The following FARS2 variants were observed in gnomAD, a reference collection of about 807,000 sequenced individuals.
FARS2 encodes the protein phenylalanyl-tRNA synthetase 2, mitochondrial.
Under a neutral mutation model 46.4 loss-of-function variants are expected in FARS2, and 40 were observed. The observed-to-expected ratio is 0.86, with a 90% CI of 0.67 to 1.12. FARS2 has a LOEUF of 1.12. Ranked by LOEUF, FARS2 falls within the 50% of genes most tolerant of loss-of-function variation. The pLI, the probability that FARS2 is intolerant of heterozygous loss-of-function variation, is 0.00. For missense variants in FARS2, 513 were observed against 567.9 expected, an observed-to-expected ratio of 0.90 and a Z score of 0.98; for synonymous variants, 234 against 214.9, an observed-to-expected ratio of 1.09 and a Z score of -0.78.
intron 6 of FARS2, among the ~76,000 whole-genome samples, chr6:5,761,307 T>C (rs1762464132): frequency 6.6e-6 from 1 of 152,192 alleles, no homozygotes; most frequent in Non-Finnish European, 1.5e-5. Context: ...TAATCCTTCT[T>C]TCTGTAACTT....
At chr6:5,264,201 C>G (rs1765384903) in intron 1 of FARS2, among the ~76,000 whole-genome samples, 1 of 152,132 alleles carries the variant, frequency 6.6e-6, no homozygotes, top group Non-Finnish European at 1.5e-5. Flanking sequence ...GAGCCATGAT[C>G]ACATTACTGC....
chr6:5,641,141 C>T (rs1165615003), intron 6 of FARS2, among the ~76,000 whole-genome samples: 2 of 152,154 alleles, frequency 1.3e-5, no homozygotes, highest in Admixed American at 1.3e-4. Context: ...ACACCCTTCA[C>T]TTCCCTGGGT....
At chr6:5,659,290 A>G (rs575973795) in intron 6 of FARS2, among the ~76,000 whole-genome samples, 2 of 152,314 alleles carry the variant, frequency 1.3e-5, no homozygotes, top group Admixed American at 6.5e-5. Flanking sequence ...AGCCAAGTGT[A>G]ACCCCAGTCG....
chr6:5,496,579 G>A (rs925505798), intron 4 of FARS2, among the ~76,000 whole-genome samples: 2 of 152,152 alleles, frequency 1.3e-5, no homozygotes, highest in Non-Finnish European at 2.9e-5. Context: ...AGTAGGGCTG[G>A]TTTCTCCTGA....
intron 1 of FARS2, among the ~76,000 whole-genome samples, chr6:5,340,836 A>G (rs533594600): frequency 6.6e-6 from 1 of 151,912 alleles, no homozygotes; most frequent in East Asian, 1.9e-4. Context: ...GGGGCTTGAC[A>G]GGGAATAGAA....
intron 1 of FARS2, among the ~76,000 whole-genome samples, chr6:5,350,036 T>C (rs1175820789): frequency 6.6e-6 from 1 of 152,164 alleles, no homozygotes; most frequent in Non-Finnish European, 1.5e-5. Context: ...CATTGTACAG[T>C]TATTCTTCCC....
rs540795214 is a variant in FARS2 at position 5,357,259 on chromosome 6, C to A, written c.-21-11291C>A. ...TCACTGTGAGTTAAATAAATGGTAT[C>A]TTTTCTTAGCTAAACAGTGATTTGG... On this transcript the variant is annotated intron_variant, in intron 1 of 6. Coordinates refer to ENST00000274680, the MANE Select transcript of FARS2 (RefSeq NM_006567.5). Among the ~76,000 whole-genome samples, 3 of 152,222 alleles carry A rather than the reference C, an allele frequency of 2.0e-5. No individual in the cohort carries two copies. The East Asian group carries it at 5.8e-4, about 29-fold the overall frequency.
At chr6:5,687,601 G>A (rs561838010) in intron 6 of FARS2, among the ~76,000 whole-genome samples, 1 of 152,314 alleles carries the variant, frequency 6.6e-6, no homozygotes, top group South Asian at 2.1e-4. Context: ...GGTTACTGTA[G>A]CCTTGCAGTA....
intron 3 of FARS2, among the ~76,000 whole-genome samples, chr6:5,418,517 C>A (rs1346724360): frequency 1.3e-5 from 2 of 152,210 alleles, no homozygotes; most frequent in Non-Finnish European, 2.9e-5. Context: ...CTGTTGAGAA[C>A]TGGCACTATT....
chr6:5,759,340 C>G (rs879269524), intron 6 of FARS2, among the ~76,000 whole-genome samples: 1 of 152,174 alleles, frequency 6.6e-6, no homozygotes, highest in South Asian at 2.1e-4. Context: ...TACCTTCCCT[C>G]CATAACTTTT....
At chr6:5,330,728 A>G (rs999897997) in intron 1 of FARS2, among the ~76,000 whole-genome samples, 2 of 152,196 alleles carry the variant, frequency 1.3e-5, no homozygotes, top group African/African-American at 4.8e-5. Flanking sequence ...GGGTAGTTAA[A>G]GTTGAGGAGT....
chr6:5,506,203 C>A (rs1464938203), intron 4 of FARS2, among the ~76,000 whole-genome samples: 1 of 152,178 alleles, frequency 6.6e-6, no homozygotes, highest in Non-Finnish European at 1.5e-5. Flanking sequence ...TTTAGTAGAT[C>A]AGCTCCGCCT....
At chr6:5,312,573 G>A (rs1769155029) in intron 1 of FARS2, among the ~76,000 whole-genome samples, 1 of 152,186 alleles carries the variant, frequency 6.6e-6, no homozygotes, top group Non-Finnish European at 1.5e-5. Flanking sequence ...TTATGGAGGA[G>A]GGTTTTGAAA....
intron 4 of FARS2, among the ~76,000 whole-genome samples, chr6:5,517,679 G>A (rs539029941): frequency 1.3e-5 from 2 of 151,320 alleles, no homozygotes; most frequent in South Asian, 2.1e-4. Context: ...CAAAGACTTA[G>A]TTCAAAAAAA....
Position 5,368,660 on chromosome 6 carries a change from G to A in FARS2, c.90G>A (p.Gln30=). 1.2e-6 allele frequency: 2 copies of A among 1,614,206 alleles called. No homozygotes were observed. Among genetic ancestry groups the A allele is most frequent in the Non-Finnish European group, 1.7e-6 (2 of 1,180,044 alleles). ...ASHISRGHQH[Q]AWGSRPPAAE... is the part of the protein sequence containing the mutation. ...ACATCTCCAGAGGCCATCAGCACCA[G>A]GCCTGGGGATCGAGGCCTCCTGCAG... is the stretch of plus-strand genomic sequence containing the variant. Residue 30 remains glutamine (Q), a synonymous_variant, in exon 2 of 7, where the codon CAG becomes CAA. Coordinates refer to ENST00000274680, the MANE Select transcript of FARS2 (RefSeq NM_006567.5).
chr6:5,376,333 A>G (rs1388370755), intron 2 of FARS2, among the ~76,000 whole-genome samples: 1 of 152,190 alleles, frequency 6.6e-6, no homozygotes, highest in Non-Finnish European at 1.5e-5. Flanking sequence ...AATTAAAACA[A>G]CCAAATATGA....
At chr6:5,430,966 A>G (rs978300137) in intron 3 of FARS2, 75 bp from the exon 4 acceptor site, 2 of 1,494,122 alleles carry the variant, frequency 1.3e-6, no homozygotes, top group Non-Finnish European at 1.8e-6. Flanking sequence ...TCATTAGTAG[A>G]AGGGAAAATT....
chr6:5,373,162 C>T (rs1256546440), intron 2 of FARS2, among the ~76,000 whole-genome samples: 2 of 152,084 alleles, frequency 1.3e-5, no homozygotes, highest in Non-Finnish European at 2.9e-5. Context: ...AAAAGGAGAG[C>T]TTCCTTAGGG....
chr6:5,698,919 T>C (rs1758259235), intron 6 of FARS2, among the ~76,000 whole-genome samples: 1 of 152,186 alleles, frequency 6.6e-6, no homozygotes, highest in South Asian at 2.1e-4. Flanking sequence ...GCTGCTGGGC[T>C]GCAGGGAACC....
Sources: gnomAD v4.1 joint callset for allele counts (sites outside exome capture counted in the v4.1 genomes callset) on GRCh38, gnomAD v4.1.1 for gene constraint, MANE v1.5 for transcripts, NCBI Gene and HGNC (gene_info 2026-07-23, HGNC 2026-07-21) for gene names.